Variants in IFNAR2 observed in about 807,000 individuals in gnomAD.
IFNAR2 encodes interferon alpha/beta receptor 2.
IFNAR2 carries 30 observed loss-of-function variants against 49.4 expected under a neutral mutation model. The observed-to-expected ratio is 0.61, with a 90% CI of 0.45 to 0.82. The LOEUF (loss-of-function observed/expected upper bound fraction) is 0.82. Among genes scored for constraint, IFNAR2 ranks in the 40% least tolerant of loss-of-function variants. The pLI is 0.00. For synonymous variants in IFNAR2, 224 were observed against 234.5 expected (o/e 0.96, Z 0.41); for missense variants, 600 against 622.7 (o/e 0.96, Z 0.39).
chr21:33,262,850 G>A lies in IFNAR2; in HGVS notation c.898G>A (p.Asp300Asn), dbSNP rs1292539503. The A allele has an allele frequency of 3.1e-6, 5 of 1,613,440 alleles. 1 individual carries two copies. In the South Asian group the frequency reaches 5.5e-5, roughly 18 times the overall value. ...TAACCTGCCACCGTTGGAAGCCATGGATATGGTGGAGGTCATTTACATCAA... is the reference window on the plus strand; with the variant it reads ...TAACCTGCCACCGTTGGAAGCCATGAATATGGTGGAGGTCATTTACATCAA... ...FPNLPPLEAM[D>N]MVEVIYINRK... The change falls in exon 9 of 9, where the codon GAT becomes AAT. Residue 300 changes from aspartate to asparagine, a missense_variant. Physicochemically the swap from Asp to Asn is conservative, Grantham distance 23. Transcript: ENST00000342136.
rs115301063 is a variant in IFNAR2 at position 33,260,699 on chromosome 21, G to A, written c.812G>A (p.Cys271Tyr). Residue 271 changes from cysteine to tyrosine, a missense_variant, in exon 8 of 9, where the codon TGC (cysteine) becomes TAC (tyrosine). Coordinates refer to ENST00000342136, the MANE Select transcript of IFNAR2 (RefSeq NM_001289125.3). Reference sequence around the variant, plus strand: ...ACACTGAAATGGATTGGTTATATATGCTTAAGAAATAGCCTCCCCAAAGTC... The same window carrying A: ...ACACTGAAATGGATTGGTTATATATACTTAAGAAATAGCCTCCCCAAAGTC... ...IVTLKWIGYI[C>Y]LRNSLPKVLN... The A allele has an allele frequency of 9.3e-4, 1,436 of 1,548,946 alleles. 6 individuals carry two copies. In the African/African-American group the frequency reaches 0.018, roughly 19 times the overall value.
chr21:33,253,074 G>A lies in IFNAR2; in HGVS notation c.709+244G>A, dbSNP rs114577569. ...AGATCAGAAATCTTGAAATGGAAAC[G>A]CTTTTGTTTCAGGGAGTCAGGATTA... On this transcript the variant is annotated intron_variant, in intron 7 of 8. Coordinates refer to ENST00000342136, the MANE Select transcript of IFNAR2 (RefSeq NM_001289125.3). 4.8e-3 allele frequency among the ~76,000 whole-genome samples: 734 copies of A among 152,280 alleles called. 4 individuals carry two copies. Among genetic ancestry groups the A allele is most frequent in the African/African-American group, 0.017 (705 of 41,546 alleles).
chr21:33,255,756 A>G (rs1601812963), intron 7 of IFNAR2, among the ~76,000 whole-genome samples: 1 of 152,310 alleles, frequency 6.6e-6, no homozygotes, highest in Non-Finnish European at 1.5e-5. Flanking sequence ...CCCTCCTTGG[A>G]TAGAGGTCAA....
chr21:33,246,511 T>G (rs1987419616), intron 4 of IFNAR2, among the ~76,000 whole-genome samples: 1 of 152,114 alleles, frequency 6.6e-6, no homozygotes, highest in Non-Finnish European at 1.5e-5. Context: ...GGGTAAATGC[T>G]ACAATCAAGA....
chr21:33,245,014 G>A lies in IFNAR2; in HGVS notation c.161G>A (p.Trp54Ter). ...CGAAATTTCCGGTCCATCTTATCAT[G>A]GGAATTAAAAAACCACTCCATTGTA... is the stretch of plus-strand genomic sequence containing the variant. ...SLRNFRSILSWELKNHSIVPT... is the reference protein window; with the variant it reads ...SLRNFRSILS Residue 54 changes from tryptophan to a stop codon, truncating the protein, a stop_gained, in exon 4 of 9, where the codon TGG (tryptophan) becomes TAG (stop). Transcript: ENST00000342136. LOFTEE classifies it high-confidence loss of function. The A allele has an allele frequency of 6.2e-7, 1 of 1,610,992 alleles. No individual in the cohort carries two copies. Among genetic ancestry groups the A allele is most frequent in the Non-Finnish European group, 8.5e-7 (1 of 1,177,252 alleles).
At chr21:33,247,254 C>CATTTTTTTTTTTT (rs1987501614) in intron 5 of IFNAR2, among the ~76,000 whole-genome samples, 3 of 91,574 alleles carry the variant, frequency 3.3e-5, no homozygotes, top group Non-Finnish European at 6.4e-5. Context: ...TTCTTTCTTT[C>CATTTTTTTTTTTT]TTTTTTTTTT....
At chr21:33,261,970 C>T (rs1254815951) in intron 8 of IFNAR2, among the ~76,000 whole-genome samples, 1 of 152,178 alleles carries the variant, frequency 6.6e-6, no homozygotes, top group African/African-American at 2.4e-5. Flanking sequence ...TGGCCAGCAG[C>T]CTGCCTGGTT....
intron 5 of IFNAR2, 29 bp downstream of exon 5, chr21:33,246,919 G>A (rs368603698): frequency 1.5e-5 from 24 of 1,570,628 alleles, no homozygotes; most frequent in Admixed American, 5.1e-5. Flanking sequence ...TCTCCACTTC[G>A]TCCCCATCAT....
intron 7 of IFNAR2, among the ~76,000 whole-genome samples, chr21:33,255,325 C>G (rs1263244316): frequency 6.6e-6 from 1 of 152,180 alleles, no homozygotes; most frequent in Non-Finnish European, 1.5e-5. Context: ...CTCAGTCCCA[C>G]AAAACTGCCT....
Position 33,263,321 on chromosome 21 carries a change from G to T in IFNAR2, c.1369G>T (p.Val457Phe). 6.2e-7 allele frequency: 1 copy of T among 1,614,178 alleles called. No homozygotes were observed. Reference protein sequence around the residue: ...LMLSSHLEEMVDPEDPDNVQS... With the variant: ...LMLSSHLEEMFDPEDPDNVQS... ...GCTATCGTCTCATCTGGAAGAGATG[G>T]TTGACCCAGAGGATCCTGATAATGT... Residue 457 changes from valine (V) to phenylalanine (F), a missense_variant, in exon 9 of 9, where the codon GTT (valine) becomes TTT (phenylalanine). Transcript: ENST00000342136.
At chr21:33,246,350 G>A (rs1289774203) in intron 4 of IFNAR2, among the ~76,000 whole-genome samples, 2 of 152,166 alleles carry the variant, frequency 1.3e-5, no homozygotes, top group Non-Finnish European at 2.9e-5. Context: ...GATTACAGAC[G>A]TGAGCCACTG....
Position 33,263,150 on chromosome 21 carries a change from A to C in IFNAR2, c.1198A>C (p.Ser400Arg), listed in dbSNP as rs1988758317. 2.5e-6 allele frequency: 4 copies of C among 1,614,076 alleles called. No homozygotes were observed. Among genetic ancestry groups the C allele is most frequent in the Non-Finnish European group, 3.4e-6 (4 of 1,180,034 alleles). The change falls in exon 9 of 9, where the codon AGT becomes CGT. Residue 400 changes from serine to arginine, a missense_variant. By Grantham distance (110) the Ser-to-Arg change is moderately radical (BLOSUM62 -1). Coordinates refer to ENST00000342136, the MANE Select transcript of IFNAR2 (RefSeq NM_001289125.3). ...GAGTGGGCCCTGTGAGAGGAGAAAG[A>C]GTCCACTCCAGGACCCTTTTCCCGA... Reference protein sequence around the residue: ...LLSGPCERRKSPLQDPFPEED... With the variant: ...LLSGPCERRKRPLQDPFPEED...
intron 6 of IFNAR2, among the ~76,000 whole-genome samples, chr21:33,250,835 A>T (rs928153562): frequency 6.6e-6 from 1 of 152,218 alleles, no homozygotes; most frequent in Non-Finnish European, 1.5e-5. Flanking sequence ...CACCATGCCC[A>T]GCTCATAATT....
chr21:33,255,334 C>T (rs1988136506), intron 7 of IFNAR2, among the ~76,000 whole-genome samples: 1 of 152,182 alleles, frequency 6.6e-6, no homozygotes, highest in Admixed American at 6.5e-5. Context: ...ACAAAACTGC[C>T]TGCCCCCACT....
chr21:33,254,414 A>G (rs766733528), intron 7 of IFNAR2, among the ~76,000 whole-genome samples: 1 of 152,214 alleles, frequency 6.6e-6, no homozygotes, highest in Non-Finnish European at 1.5e-5. Flanking sequence ...CATTTCTTTG[A>G]CATATTTTGA....
chr21:33,252,805 C>G lies in IFNAR2; in HGVS notation c.684C>G (p.Thr228=), dbSNP rs2123504436. Residue 228 remains threonine (T), a synonymous_variant, in exon 7 of 9, where the codon ACC becomes ACG. Coordinates refer to ENST00000342136, the MANE Select transcript of IFNAR2 (RefSeq NM_001289125.3). ...TAATAAAGTCTCCCTTAAAATGCACCCTCCTTCCACCTGGCCAGGAATCAG... is the reference window on the plus strand; with the variant it reads ...TAATAAAGTCTCCCTTAAAATGCACGCTCCTTCCACCTGGCCAGGAATCAG... The part of the protein sequence containing the change: ...QAVIKSPLKC[T]LLPPGQESES... 2 of 1,613,720 alleles carry G rather than the reference C, an allele frequency of 1.2e-6. No individual in the cohort carries two copies. The highest frequency in any genetic ancestry group is 1.7e-6 in the Non-Finnish European group (2 of 1,179,658).
At chr21:33,246,301 A>G (rs981072683) in intron 4 of IFNAR2, among the ~76,000 whole-genome samples, 1 of 152,018 alleles carries the variant, frequency 6.6e-6, no homozygotes, top group East Asian at 1.9e-4. Flanking sequence ...CAATCTCCTG[A>G]CCTCGTGATC....
chr21:33,252,397 G>A (rs1201284723), intron 6 of IFNAR2: 4 of 1,206,322 alleles, frequency 3.3e-6, no homozygotes, highest in Admixed American at 3.7e-5. Context: ...CCTCTTTGAA[G>A]ACTTTTATCT....
intron 6 of IFNAR2, among the ~76,000 whole-genome samples, chr21:33,250,695 ACC>A (rs1220640964): frequency 2.0e-4 from 31 of 152,118 alleles, no homozygotes; most frequent in African/African-American, 7.5e-4. Context: ...CCGCCAGCAC[ACC>A]CAGATAATTT....
Sources: allele counts gnomAD v4.1 joint callset (sites outside exome capture counted in the v4.1 genomes callset), GRCh38; gene constraint gnomAD v4.1.1; transcripts MANE v1.5; gene names NCBI Gene and HGNC (gene_info 2026-07-23, HGNC 2026-07-21).